DCTN5: variants seen among roughly 807,000 people sequenced by gnomAD.
DCTN5 encodes dynactin 4.
Under a neutral mutation model 23.5 loss-of-function variants are expected in DCTN5, and 14 were observed. That is an observed-to-expected ratio of 0.60 (90% CI 0.39 to 0.93). The LOEUF (loss-of-function observed/expected upper bound fraction) is 0.93. Ranked by LOEUF, DCTN5 falls within the 40% of genes least tolerant of loss-of-function variation. The pLI is 0.00. For missense variants in DCTN5, 156 were observed against 225.9 expected (o/e 0.69, Z 1.98); for synonymous variants, 67 against 79.6 (o/e 0.84, Z 0.84).
At position 23,668,046 on chromosome 16, in the gene DCTN5, A is replaced by G. The variant is rs1967938364; in HGVS notation, c.*902A>G. On this transcript the variant is annotated 3_prime_UTR_variant, in exon 6 of 6. Coordinates refer to ENST00000300087, the MANE Select transcript of DCTN5 (RefSeq NM_032486.4). ...ACTTAGAGCTAATTCGCATATATAC[A>G]GGAAGGGCTCTTAGAATCAGTTTGT... 4 of 152,266 alleles carry G rather than the reference A, an allele frequency of 2.6e-5. No homozygotes were observed. The allele number at this position is 152,266 out of a possible 1,614,324, so 9.4% of individuals were successfully genotyped here.
At chr16:23,665,825 T>C in intron 5 of DCTN5, 97 bp downstream of exon 5, 2 of 997,166 alleles carry the variant, frequency 2.0e-6, no homozygotes, top group Non-Finnish European at 3.0e-6. Flanking sequence ...TCTCTGGCAA[T>C]ATGTTGATAG....
Position 23,668,308 on chromosome 16 carries a change from G to A in DCTN5, c.*1164G>A, listed in dbSNP as rs1967942786. ...AGGAGCTATCCTGACTTAATATCCA[G>A]TTGTGGGGTTTGCAAAACAAAACAG... On this transcript the variant is annotated 3_prime_UTR_variant, in exon 6 of 6. Transcript: ENST00000300087. 6.6e-6 allele frequency: 1 copy of A among 152,234 alleles called. No homozygotes were observed. The allele number at this position is 152,234 out of a possible 1,614,324, so 9.4% of individuals were successfully genotyped here. A position where few individuals can be genotyped will look rare whatever the true frequency, so the allele number is the denominator to read the frequency against.
rs1959222069 is a variant in DCTN5 at position 23,676,128 on chromosome 16, T to C, written c.*8984T>C. 1 of 151,954 alleles carries C rather than the reference T, an allele frequency of 6.6e-6. No individual in the cohort carries two copies. The highest frequency in any genetic ancestry group is 2.4e-5 in the African/African-American group (1 of 41,310). 9.4% of individuals were successfully genotyped at this position (151,954 alleles called of 1,614,324 possible). ...ATGTCCCCTCAGCCCTGGAAAGCATTTGGGTTAGCTTCCGCTTACTGGTCA... is the reference window on the plus strand; with the variant it reads ...ATGTCCCCTCAGCCCTGGAAAGCATCTGGGTTAGCTTCCGCTTACTGGTCA... On this transcript the variant is annotated 3_prime_UTR_variant, in exon 6 of 6. Coordinates refer to ENST00000300087, the MANE Select transcript of DCTN5 (RefSeq NM_032486.4).
intron 4 of DCTN5, among the ~76,000 whole-genome samples, chr16:23,664,858 A>T (rs771361835): frequency 2.6e-5 from 4 of 152,254 alleles, no homozygotes; most frequent in Non-Finnish European, 4.4e-5. Context: ...GAGCAAACCA[A>T]CCAACCAACC....
rs1959230945 is a variant in DCTN5 at position 23,676,970 on chromosome 16, G to A, written c.*9826G>A. 1 of 152,250 alleles carries A rather than the reference G, an allele frequency of 6.6e-6. No individual in the cohort carries two copies. The highest frequency in any genetic ancestry group is 2.4e-5 in the African/African-American group (1 of 41,444). 9.4% of individuals were successfully genotyped at this position (152,250 alleles called of 1,614,324 possible). ...AGATTTTCATATGTGTTAGGCAGAG[G>A]ATGAGGTGAGCAGCTCCCAATGAGA... is the stretch of plus-strand genomic sequence containing the variant. On this transcript the variant is annotated 3_prime_UTR_variant, in exon 6 of 6. Coordinates refer to ENST00000300087, the MANE Select transcript of DCTN5 (RefSeq NM_032486.4).
Position 23,661,183 on chromosome 16 carries a change from C to T in DCTN5, c.250C>T (p.Pro84Ser), listed in dbSNP as rs142531652. 6.2e-7 allele frequency: 1 copy of T among 1,611,906 alleles called. No individual in the cohort carries two copies. ...TTCCTCTTCTAGTGTTGCATTCTTT[C>T]CTTTACATATTGGAGACCATGTCTT... ...KKFSKGVAFF[P>S]LHIGDHVFIE... The change falls in exon 4 of 6, where the codon CCT becomes TCT. Residue 84 changes from proline to serine, a missense_variant. Pro to Ser is a moderately conservative substitution (Grantham distance 74). Around this residue, in one of 2 missense-constraint regions of DCTN5, gnomAD observed 153 missense variants for 206.8 expected, o/e 0.74. Coordinates refer to ENST00000300087, the MANE Select transcript of DCTN5 (RefSeq NM_032486.4).
Position 23,674,656 on chromosome 16 carries a change from C to T in DCTN5, c.*7512C>T, listed in dbSNP as rs1290051562. 6.6e-6 allele frequency: 1 copy of T among 152,178 alleles called. No homozygotes were observed. Among genetic ancestry groups the T allele is most frequent in the African/African-American group, 2.4e-5 (1 of 41,430 alleles). 9.4% of individuals were successfully genotyped at this position (152,178 alleles called of 1,614,324 possible). ...AAAGGTATTAGGCTTTTCTAGTCTG[C>T]TCATTGAATAATCAGGACAAAAGGG... On this transcript the variant is annotated 3_prime_UTR_variant, in exon 6 of 6. Coordinates refer to ENST00000300087, the MANE Select transcript of DCTN5 (RefSeq NM_032486.4).
chr16:23,660,840 T>C lies in DCTN5; in HGVS notation c.237-330T>C, dbSNP rs773347056. 7.9e-5 allele frequency among the ~76,000 whole-genome samples: 12 copies of C among 152,330 alleles called. 1 individual carries two copies. The highest frequency in any genetic ancestry group is 3.4e-3 in the Middle Eastern group (1 of 294). Reference sequence around the variant, plus strand: ...ACATTATAGGGCAGGTTACTAAAAATGTGATCTGTGAGCATTTTCAAAGGA... The same window carrying C: ...ACATTATAGGGCAGGTTACTAAAAACGTGATCTGTGAGCATTTTCAAAGGA... On this transcript the variant is annotated intron_variant, in intron 3 of 5. Transcript: ENST00000300087.
chr16:23,673,985 A>G lies in DCTN5; in HGVS notation c.*6841A>G, dbSNP rs1968053478. On this transcript the variant is annotated 3_prime_UTR_variant, in exon 6 of 6. Coordinates refer to ENST00000300087, the MANE Select transcript of DCTN5 (RefSeq NM_032486.4). Reference sequence around the variant, plus strand: ...GGACTCTAAGACCAACAAGATAAAAAGGCAGCCTTGCATGTCACTTGGACC... The same window carrying G: ...GGACTCTAAGACCAACAAGATAAAAGGGCAGCCTTGCATGTCACTTGGACC... 2 of 152,236 alleles carry G rather than the reference A, an allele frequency of 1.3e-5. No individual in the cohort carries two copies. The highest frequency in any genetic ancestry group is 4.8e-5 in the African/African-American group (2 of 41,466). 9.4% of individuals were successfully genotyped at this position (152,236 alleles called of 1,614,324 possible).
At chr16:23,646,335 C>G (rs1204200301) in intron 2 of DCTN5, among the ~76,000 whole-genome samples, 1 of 152,092 alleles carries the variant, frequency 6.6e-6, no homozygotes, top group African/African-American at 2.4e-5. Context: ...ATATTAAACA[C>G]TTATCAGATA....
chr16:23,651,562 A>G (rs1367109743), intron 2 of DCTN5, among the ~76,000 whole-genome samples: 1 of 152,242 alleles, frequency 6.6e-6, no homozygotes, highest in Non-Finnish European at 1.5e-5. Flanking sequence ...CCAAATACCC[A>G]GGACTTTTGG....
At chr16:23,657,368 A>G in intron 2 of DCTN5, 1 of 303,504 alleles carries the variant, frequency 3.3e-6, no homozygotes, top group Non-Finnish European at 6.6e-6. Context: ...AGGCGGGAGG[A>G]TCCCTTGAGC....
Position 23,671,676 on chromosome 16 carries a change from T to C in DCTN5, c.*4532T>C, listed in dbSNP as rs1378378034. ...TGTTTTATGCAGCTCCTCCACTATC[T>C]TGGCCTCCAAGGCAGCTGGCTTTGA... On this transcript the variant is annotated 3_prime_UTR_variant, in exon 6 of 6. Coordinates refer to ENST00000300087, the MANE Select transcript of DCTN5 (RefSeq NM_032486.4). 1 of 152,240 alleles carries C rather than the reference T, an allele frequency of 6.6e-6. No homozygotes were observed. The highest frequency in any genetic ancestry group is 1.5e-5 in the Non-Finnish European group (1 of 68,044). The allele number at this position is 152,240 out of a possible 1,614,324, so 9.4% of individuals were successfully genotyped here. A position where few individuals can be genotyped will look rare whatever the true frequency, so the allele number is the denominator to read the frequency against.
chr16:23,662,596 G>T (rs1488677423), intron 4 of DCTN5, among the ~76,000 whole-genome samples: 2 of 152,176 alleles, frequency 1.3e-5, no homozygotes, highest in Non-Finnish European at 2.9e-5. Context: ...CCCTGGATAA[G>T]ACTCAGACCC....
chr16:23,654,854 T>C (rs920523510), intron 2 of DCTN5, among the ~76,000 whole-genome samples: 4 of 152,198 alleles, frequency 2.6e-5, no homozygotes, highest in African/African-American at 9.7e-5. Context: ...GTGTGATATA[T>C]GTCTTTCTGT....
rs1967968894 is a variant in DCTN5 at position 23,669,490 on chromosome 16, C to T, written c.*2346C>T. 1 of 152,280 alleles carries T rather than the reference C, an allele frequency of 6.6e-6. No homozygotes were observed. The highest frequency in any genetic ancestry group is 1.5e-5 in the Non-Finnish European group (1 of 68,116). The allele number at this position is 152,280 out of a possible 1,614,324, so 9.4% of individuals were successfully genotyped here. On this transcript the variant is annotated 3_prime_UTR_variant, in exon 6 of 6. Coordinates refer to ENST00000300087, the MANE Select transcript of DCTN5 (RefSeq NM_032486.4). Reference sequence around the variant, plus strand: ...TGGTCCAGACGAGGAAGGTATCCAGCCTCAAGTCATCATTGTGGCCAGGAA... The same window carrying T: ...TGGTCCAGACGAGGAAGGTATCCAGTCTCAAGTCATCATTGTGGCCAGGAA...
intron 2 of DCTN5, among the ~76,000 whole-genome samples, chr16:23,648,349 T>TTCTTTTC (rs1567229630): frequency 6.9e-6 from 1 of 144,332 alleles, no homozygotes; most frequent in Admixed American, 6.9e-5. Flanking sequence ...TTTTTCTTTT[T>TTCTTTTC]TTTTTTTTTT....
intron 2 of DCTN5, among the ~76,000 whole-genome samples, chr16:23,647,027 T>A (rs942113304): frequency 6.6e-6 from 1 of 152,242 alleles, no homozygotes; most frequent in Non-Finnish European, 1.5e-5. Flanking sequence ...TGGTCATAGA[T>A]GAATAGATTT....
chr16:23,655,204 A>G (rs114360003), intron 2 of DCTN5, among the ~76,000 whole-genome samples: 1,702 of 152,198 alleles, frequency 0.011, 30 homozygotes, highest in African/African-American at 0.039. Context: ...TGGAACTTTT[A>G]AGACATGTAC....
Sources: gnomAD v4.1 joint callset for allele counts (sites outside exome capture counted in the v4.1 genomes callset) on GRCh38, gnomAD v4.1.1 for gene constraint, gnomAD v4.1.1 regional missense constraint, MANE v1.5 for transcripts, NCBI Gene and HGNC (gene_info 2026-07-23, HGNC 2026-07-21) for gene names.